Variants in PTPN12 observed in about 807,000 individuals in gnomAD.
The protein encoded by PTPN12 is protein tyrosine phosphatase non-receptor type 12.
A neutral mutation model predicts 97.6 loss-of-function variants in PTPN12; 29 were observed. The ratio of observed to expected loss-of-function variants is 0.30; its 90% CI spans 0.22 to 0.41. PTPN12 has a LOEUF of 0.41. Ranked by LOEUF, PTPN12 falls within the 10% of genes least tolerant of loss-of-function variation. The pLI is 1.00. For synonymous variants in PTPN12, 327 were observed against 300.4 expected (o/e 1.09, Z -0.91); for missense variants, 819 against 926.0 (o/e 0.88, Z 1.50).
At chr7:77,607,944 A>G (rs996149382) in intron 9 of PTPN12, among the ~76,000 whole-genome samples, 2 of 152,060 alleles carry the variant, frequency 1.3e-5, no homozygotes, top group African/African-American at 2.4e-5. Flanking sequence ...TGGTACAGAC[A>G]GGGTTTCACC....
chr7:77,574,738 G>A (rs1166232543), intron 2 of PTPN12, among the ~76,000 whole-genome samples: 1 of 152,168 alleles, frequency 6.6e-6, no homozygotes, highest in East Asian at 1.9e-4. Context: ...TAATTACTGT[G>A]CAGTAATCAG....
intron 14 of PTPN12, among the ~76,000 whole-genome samples, chr7:77,633,764 T>G (rs1353755821): frequency 6.6e-6 from 1 of 152,116 alleles, no homozygotes; most frequent in East Asian, 1.9e-4. Flanking sequence ...GGCTCATACC[T>G]GTAATCGCAG....
intron 13 of PTPN12, among the ~76,000 whole-genome samples, chr7:77,629,090 C>T (rs1033595721): frequency 6.6e-6 from 1 of 152,114 alleles, no homozygotes; most frequent in Middle Eastern, 3.2e-3. Context: ...GTTGGGAATA[C>T]AGGCATGCGC....
chr7:77,565,043 A>G (rs1808202533), intron 1 of PTPN12, among the ~76,000 whole-genome samples: 1 of 151,932 alleles, frequency 6.6e-6, no homozygotes, highest in Non-Finnish European at 1.5e-5. Flanking sequence ...GGCATGAGCC[A>G]CCGCACCCAG....
chr7:77,605,420 T>G lies in PTPN12; in HGVS notation c.696-1815T>G, dbSNP rs1264512848. Among the ~76,000 whole-genome samples the G allele has an allele frequency of 1.2e-3, 153 of 130,860 alleles. 5 individuals are homozygous for G. The highest frequency in any genetic ancestry group is 4.2e-3 in the African/African-American group (141 of 33,794). 85.8% of individuals were successfully genotyped at this position (130,860 alleles called of 152,430 possible). A position where few individuals can be genotyped will look rare whatever the true frequency, so the allele number is the denominator to read the frequency against. Reference sequence around the variant, plus strand: ...TACTTTTGTCATGAGTTTTTTTTTTTTTTTTTTTTTTTTTTTTGAGACGGA... The same window carrying G: ...TACTTTTGTCATGAGTTTTTTTTTTGTTTTTTTTTTTTTTTTTGAGACGGA... On this transcript the variant is annotated intron_variant, in intron 8 of 17. Coordinates refer to ENST00000248594, the MANE Select transcript of PTPN12 (RefSeq NM_002835.4).
At chr7:77,596,116 GGGGT>G (rs1466499728) in intron 6 of PTPN12, among the ~76,000 whole-genome samples, 19 of 152,140 alleles carry the variant, frequency 1.2e-4, no homozygotes, top group African/African-American at 4.3e-4. Flanking sequence ...CATGATTCTG[GGGGT>G]GGTTACTACT....
At chr7:77,622,980 G>A (rs1251938215) in intron 12 of PTPN12, among the ~76,000 whole-genome samples, 1 of 148,714 alleles carries the variant, frequency 6.7e-6, no homozygotes, top group Non-Finnish European at 1.5e-5. Flanking sequence ...ACTAATAATA[G>A]TCTAAAAGGA....
At position 77,592,267 on chromosome 7, in the gene PTPN12, A is replaced by G. The variant is rs770017377; in HGVS notation, c.492+11A>G. On this transcript the variant is annotated intron_variant, in intron 6 of 17. Coordinates refer to ENST00000248594, the MANE Select transcript of PTPN12 (RefSeq NM_002835.4). ...TTTAAAATTTCTTGTGTAAGTATCC[A>G]TTTTTGTAAACACTTTTTTCAGAAA... is the stretch of plus-strand genomic sequence containing the variant. 3.1e-6 allele frequency: 5 copies of G among 1,599,554 alleles called. No homozygotes were observed. The African/African-American group carries it at 4.1e-5, about 13-fold the overall frequency.
intron 17 of PTPN12, 85 bp from the exon 18 acceptor site, chr7:77,639,134 A>G: frequency 9.1e-7 from 1 of 1,095,932 alleles, no homozygotes; most frequent in Non-Finnish European, 1.3e-6. Context: ...TTGTTCCAGA[A>G]AATGAGAATG....
At chr7:77,631,261 C>T (rs905950343) in intron 13 of PTPN12, among the ~76,000 whole-genome samples, 6 of 152,140 alleles carry the variant, frequency 3.9e-5, no homozygotes, top group African/African-American at 9.7e-5. Context: ...TGGAACTCCT[C>T]TTTCAGGAGG....
chr7:77,578,366 A>T (rs558025487), intron 2 of PTPN12, among the ~76,000 whole-genome samples: 1 of 152,312 alleles, frequency 6.6e-6, no homozygotes, highest in Admixed American at 6.5e-5. Flanking sequence ...CAAATGGCAT[A>T]TAAAAAGGGG....
chr7:77,572,809 G>A (rs1485565144), intron 2 of PTPN12, among the ~76,000 whole-genome samples: 2 of 152,076 alleles, frequency 1.3e-5, no homozygotes, highest in African/African-American at 4.8e-5. Flanking sequence ...CAGTGGCCAG[G>A]CGCGGTGGCT....
chr7:77,546,099 T>C lies in PTPN12; in HGVS notation c.99+8454T>C, dbSNP rs531526196. On this transcript the variant is annotated intron_variant, in intron 1 of 17. Coordinates refer to ENST00000248594, the MANE Select transcript of PTPN12 (RefSeq NM_002835.4). Reference sequence around the variant, plus strand: ...GGCGCCCGTGACCACACACAGCTACTTTTTTTATTTTTAGTAGAGATGGGG... The same window carrying C: ...GGCGCCCGTGACCACACACAGCTACCTTTTTTATTTTTAGTAGAGATGGGG... 8.5e-5 allele frequency among the ~76,000 whole-genome samples: 13 copies of C among 152,238 alleles called. No homozygotes were observed. The South Asian group carries it at 2.7e-3, about 32-fold the overall frequency.
intron 12 of PTPN12, among the ~76,000 whole-genome samples, chr7:77,620,629 C>T (rs991263829): frequency 3.9e-5 from 6 of 152,320 alleles, no homozygotes; most frequent in African/African-American, 1.4e-4. Flanking sequence ...AGTATGGCTA[C>T]AGTAAACACA....
rs542868878 is a variant in PTPN12, at chr7:77,610,202, G to C, written c.763-563G>C. 3.3e-5 allele frequency among the ~76,000 whole-genome samples: 5 copies of C among 152,254 alleles called. No individual in the cohort carries two copies. In the South Asian group the frequency reaches 1.0e-3, roughly 32 times the overall value. Reference sequence around the variant, plus strand: ...TTAGTTCCCCAACTTGGAGCCAAAGGATCTATATTTTTACCTAGGTCTTTT... The same window carrying C: ...TTAGTTCCCCAACTTGGAGCCAAAGCATCTATATTTTTACCTAGGTCTTTT... On this transcript the variant is annotated intron_variant, in intron 9 of 17. Coordinates refer to ENST00000248594, the MANE Select transcript of PTPN12 (RefSeq NM_002835.4).
At chr7:77,597,952 G>T (rs1165162000) in intron 7 of PTPN12, 51 bp downstream of exon 7, 1 of 1,591,964 alleles carries the variant, frequency 6.3e-7, no homozygotes, top group Admixed American at 1.8e-5. Context: ...TTCAGGCTGG[G>T]TGCAGTGGCT....
intron 1 of PTPN12, among the ~76,000 whole-genome samples, chr7:77,569,587 A>C (rs1808391622): frequency 6.6e-6 from 1 of 152,166 alleles, no homozygotes; most frequent in Non-Finnish European, 1.5e-5. Context: ...CCTGGATAAC[A>C]TAGTGAAACG....
chr7:77,612,818 C>T (rs1788614903), intron 11 of PTPN12, among the ~76,000 whole-genome samples: 1 of 150,642 alleles, frequency 6.6e-6, no homozygotes, highest in East Asian at 1.9e-4. Context: ...GACGAAGTCT[C>T]ACTCTGTCAC....
At chr7:77,595,251 A>G (rs1787987580) in intron 6 of PTPN12, among the ~76,000 whole-genome samples, 1 of 152,190 alleles carries the variant, frequency 6.6e-6, no homozygotes, top group Admixed American at 6.5e-5. Context: ...GGTTCAGACA[A>G]CTCGGGATTT....
Sources: gnomAD v4.1 joint callset for allele counts (sites outside exome capture counted in the v4.1 genomes callset) on GRCh38, gnomAD v4.1.1 for gene constraint, MANE v1.5 for transcripts, NCBI Gene and HGNC (gene_info 2026-07-23, HGNC 2026-07-21) for gene names.